The following TRAK1 variants were observed in gnomAD, a reference collection of about 807,000 sequenced individuals.
TRAK1 encodes the protein trafficking kinesin-binding protein 1.
In TRAK1, 33 loss-of-function variants were observed where a neutral mutation model predicts 92.1. The ratio of observed to expected loss-of-function variants is 0.36; its 90% CI spans 0.27 to 0.48. TRAK1 has a LOEUF of 0.48. Ranked by LOEUF, TRAK1 falls within the 20% of genes least tolerant of loss-of-function variation. TRAK1 has a pLI of 0.99. For synonymous variants in TRAK1, 521 were observed against 517.3 expected (o/e 1.01, Z -0.10); for missense variants, 1,123 against 1,257.9 (o/e 0.89, Z 1.62).
At chr3:42,146,044 T>C (rs1377855648) in intron 2 of TRAK1, 23 of 427,458 alleles carry the variant, frequency 5.4e-5, no homozygotes, top group Non-Finnish European at 1.0e-4. Context: ...TCAGGAACTT[T>C]GCTAATTGGT....
rs185104936 is a variant in TRAK1, at chr3:42,183,913, A to T, written c.364-772A>T. Among the ~76,000 whole-genome samples, 825 of 152,270 alleles carry T rather than the reference A, an allele frequency of 5.4e-3. 14 individuals are homozygous for T. Among genetic ancestry groups the T allele is most frequent in the African/African-American group, 0.019 (787 of 41,536 alleles). On this transcript the variant is annotated intron_variant, in intron 3 of 15. Coordinates refer to ENST00000327628, the MANE Select transcript of TRAK1 (RefSeq NM_001042646.3). ...TTCCCACAGAGGCTTCCCTGACTTT[A>T]TATGCCACTCCAAATTTTCCTCTGT...
chr3:42,054,551 T>C (rs1017583142), intron 1 of TRAK1, among the ~76,000 whole-genome samples: 2 of 152,218 alleles, frequency 1.3e-5, no homozygotes, highest in Admixed American at 1.3e-4. Flanking sequence ...TTCACATTTC[T>C]ACCTAGCCTG....
Position 42,030,488 on chromosome 3 carries a change from C to T in TRAK1, c.-519+16371C>T, listed in dbSNP as rs368496552. Among the ~76,000 whole-genome samples, 8 of 149,914 alleles carry T rather than the reference C, an allele frequency of 5.3e-5. No homozygotes were observed. In the East Asian group the frequency reaches 1.2e-3, roughly 22 times the overall value. On this transcript the variant is annotated intron_variant, in intron 1 of 16. Coordinates refer to the TRAK1 transcript ENST00000487159. ...AGGAGTTCAAGACCAGCCTGCCCAA[C>T]GTGATGAAACCCCATCTCTACTAAA... is the stretch of plus-strand genomic sequence containing the variant.
intron 1 of TRAK1, among the ~76,000 whole-genome samples, chr3:42,106,931 G>C (rs903757634): frequency 6.6e-6 from 1 of 152,172 alleles, no homozygotes; most frequent in Non-Finnish European, 1.5e-5. Flanking sequence ...TGCATTGAAT[G>C]GTAGAGGCAC....
intron 14 of TRAK1, chr3:42,218,491 TGCTATTTCGGGCA>T: frequency 1.0e-6 from 1 of 984,390 alleles, no homozygotes; most frequent in Non-Finnish European, 1.2e-6. Context: ...TCATCGTGCA[TGCTATTTCGGGCA>T]GCATCTTTTT....
chr3:42,123,142 T>C (rs1372687200), intron 1 of TRAK1, among the ~76,000 whole-genome samples: 1 of 152,200 alleles, frequency 6.6e-6, no homozygotes, highest in Non-Finnish European at 1.5e-5. Context: ...GTGTTCTCAG[T>C]GGGCTCCTGC....
intron 6 of TRAK1, among the ~76,000 whole-genome samples, chr3:42,190,030 T>C (rs1705467150): frequency 6.6e-6 from 1 of 152,178 alleles, no homozygotes; most frequent in Non-Finnish European, 1.5e-5. Context: ...GCTAGGTGTT[T>C]TGATAACCCG....
chr3:42,055,626 C>CTAATTTTT (rs2148919165), intron 1 of TRAK1, among the ~76,000 whole-genome samples: 1 of 152,276 alleles, frequency 6.6e-6, no homozygotes, highest in South Asian at 2.1e-4. Context: ...CCATGCTCTG[C>CTAATTTTT]TAATTTTTTA....
chr3:42,089,561 C>T (rs1162239710), upstream of TRAK1, among the ~76,000 whole-genome samples: 1 of 152,146 alleles, frequency 6.6e-6, no homozygotes, highest in East Asian at 1.9e-4. Flanking sequence ...CCTCACTTAA[C>T]CTTGAACTCA....
chr3:42,160,399 T>C, intron 2 of TRAK1: 1 of 1,614,194 alleles, frequency 6.2e-7, no homozygotes. Context: ...GAAGAATGTT[T>C]TGAATACGAC....
At chr3:42,182,704 A>G (rs983061284) in intron 3 of TRAK1, among the ~76,000 whole-genome samples, 10 of 152,194 alleles carry the variant, frequency 6.6e-5, no homozygotes, top group African/African-American at 2.4e-4. Flanking sequence ...AGGGAGCCAA[A>G]GTGCTGTTGA....
In TRAK1 at chr3:42,205,846, C is replaced by T. The variant is rs532714780; in HGVS notation, c.1744+3094C>T. The stretch of plus-strand genomic sequence containing the variant: ...AAGCAGAGGGGGAAGGACGCAATGA[C>T]CATAGTCATGTTTTCCCCACTGTCC... On this transcript the variant is annotated intron_variant, in intron 13 of 15. Transcript: ENST00000327628. Among the ~76,000 whole-genome samples the T allele has an allele frequency of 9.2e-5, 14 of 152,336 alleles. No individual in the cohort carries two copies. In the South Asian group the frequency reaches 1.7e-3, roughly 18 times the overall value.
intron 1 of TRAK1, among the ~76,000 whole-genome samples, chr3:42,027,957 C>A (rs1701983210): frequency 6.6e-6 from 1 of 152,176 alleles, no homozygotes; most frequent in South Asian, 2.1e-4. Context: ...TCAAGCCATT[C>A]TTGTGCCTTA....
chr3:42,087,795 C>A (rs1461780461), upstream of TRAK1, among the ~76,000 whole-genome samples: 1 of 152,202 alleles, frequency 6.6e-6, no homozygotes, highest in Admixed American at 6.5e-5. Flanking sequence ...GAATAACATG[C>A]ACTGTCATTG....
chr3:42,203,061 G>C (rs1392362843), intron 13 of TRAK1: 11 of 1,238,450 alleles, frequency 8.9e-6, no homozygotes, highest in Non-Finnish European at 1.1e-5. Context: ...AAACTTTTGT[G>C]GCGGTAGAGG....
chr3:42,043,081 C>G (rs1161831551), intron 1 of TRAK1, among the ~76,000 whole-genome samples: 1 of 152,074 alleles, frequency 6.6e-6, no homozygotes, highest in Non-Finnish European at 1.5e-5. Flanking sequence ...GCTGATCTTT[C>G]CTCTCCCTTT....
upstream of TRAK1, among the ~76,000 whole-genome samples, chr3:42,084,208 ATCT>A (rs1435435071): frequency 1.3e-5 from 2 of 151,744 alleles, no homozygotes; most frequent in African/African-American, 4.8e-5. Context: ...GTGCCTTTTT[ATCT>A]TCTTGCTTTA....
chr3:42,081,287 G>A (rs1368531843), intron 1 of TRAK1, among the ~76,000 whole-genome samples: 1 of 152,192 alleles, frequency 6.6e-6, no homozygotes, highest in African/African-American at 2.4e-5. Flanking sequence ...GAACACTTAG[G>A]AGTCCCTCAG....
chr3:42,108,817 A>G (rs1003630215), intron 1 of TRAK1, among the ~76,000 whole-genome samples: 10 of 152,168 alleles, frequency 6.6e-5, no homozygotes, highest in Non-Finnish European at 1.2e-4. Context: ...GTCTTGCCCA[A>G]TTTGACCATA....
Sources: allele counts gnomAD v4.1 joint callset (sites outside exome capture counted in the v4.1 genomes callset), GRCh38; gene constraint gnomAD v4.1.1; transcripts MANE v1.5; gene names NCBI Gene and HGNC (gene_info 2026-07-23, HGNC 2026-07-21).